Variants in PTPRR observed in about 807,000 individuals in gnomAD.
The protein encoded by PTPRR is receptor-type tyrosine-protein phosphatase R.
A neutral mutation model predicts 77.2 loss-of-function variants in PTPRR; 38 were observed. That is an observed-to-expected ratio of 0.49 (90% CI 0.38 to 0.65). The LOEUF (loss-of-function observed/expected upper bound fraction) is 0.65, where lower values mean the gene tolerates loss of function less well. Ranked by LOEUF, PTPRR falls within the 30% of genes least tolerant of loss-of-function variation. The probability of loss-of-function intolerance (pLI) is 0.00; values close to 1 mark genes in which losing one functional copy is unlikely to be tolerated. For synonymous variants in PTPRR, 299 were observed against 283.1 expected (o/e 1.06, Z -0.57); for missense variants, 744 against 799.2 (o/e 0.93, Z 0.83).
At chr12:70,705,427 C>CT (rs948457270) in intron 6 of PTPRR, among the ~76,000 whole-genome samples, 2 of 151,996 alleles carry the variant, frequency 1.3e-5, no homozygotes, top group Non-Finnish European at 2.9e-5. Context: ...AGACATGCTA[C>CT]TTTTTTTGCA....
chr12:70,774,816 AAT>A lies in PTPRR; in HGVS notation c.358-10040_358-10039del, dbSNP rs1422619946. ...GAATTTTATTTCAGACAAAATAAAA[AAT>A]ATATGACTTTATATAGTTAGAAGAT... is the stretch of plus-strand genomic sequence containing the variant. On this transcript the variant is annotated intron_variant, in intron 2 of 13. Transcript: ENST00000283228. 4.6e-5 allele frequency among the ~76,000 whole-genome samples: 7 copies of A among 152,358 alleles called. 1 individual carries two copies. The South Asian group carries it at 1.4e-3, about 32-fold the overall frequency.
intron 10 of PTPRR, among the ~76,000 whole-genome samples, chr12:70,668,168 T>G (rs1272381440): frequency 6.6e-6 from 1 of 151,844 alleles, no homozygotes; most frequent in African/African-American, 2.4e-5. Context: ...CCACCATAAG[T>G]GGATTCCAGG....
At chr12:70,873,536 A>C (rs4144462) in intron 2 of PTPRR, among the ~76,000 whole-genome samples, 102,641 of 151,920 alleles carry the variant, frequency 0.68, 35,838 homozygotes, top group African/African-American at 0.86. Flanking sequence ...ATTGAAATGA[A>C]CAATGCAACG....
At chr12:70,660,511 G>A (rs1308091910) in intron 12 of PTPRR, among the ~76,000 whole-genome samples, 3 of 152,158 alleles carry the variant, frequency 2.0e-5, no homozygotes, top group Non-Finnish European at 4.4e-5. Flanking sequence ...ACTTGAAATA[G>A]TAATGTTACC....
chr12:70,892,522 C>G (rs1374736246), intron 2 of PTPRR, among the ~76,000 whole-genome samples, 157 bp downstream of exon 2: 1 of 152,026 alleles, frequency 6.6e-6, no homozygotes, highest in Non-Finnish European at 1.5e-5. Context: ...AGACAACAGT[C>G]AAGTAAGAAA....
intron 10 of PTPRR, among the ~76,000 whole-genome samples, chr12:70,670,543 C>G (rs369289786): frequency 2.0e-5 from 3 of 152,312 alleles, no homozygotes; most frequent in South Asian, 4.1e-4. Context: ...CACATATGAT[C>G]AATAAATGGT....
chr12:70,795,473 GAATA>G (rs1442515270), intron 2 of PTPRR, among the ~76,000 whole-genome samples: 12 of 152,156 alleles, frequency 7.9e-5, no homozygotes, highest in African/African-American at 2.9e-4. Flanking sequence ...GAATGTGTGA[GAATA>G]AATTCACTGT....
chr12:70,859,026 G>T lies in PTPRR; in HGVS notation c.357+33653C>A, dbSNP rs149319072. Among the ~76,000 whole-genome samples the T allele has an allele frequency of 4.6e-5, 7 of 151,840 alleles. 1 individual carries two copies. The highest frequency in any genetic ancestry group is 2.0e-4 in the Admixed American group (3 of 15,184). ...CTTATTTAAATAAATGGCACCAAAG[G>T]CTTGAGCATTGGTTTCTTAAGCACC... On this transcript the variant is annotated intron_variant, in intron 2 of 13. Transcript: ENST00000283228.
chr12:70,857,590 G>A lies in PTPRR; in HGVS notation c.357+35089C>T, dbSNP rs982110078. On this transcript the variant is annotated intron_variant, in intron 2 of 13. Transcript: ENST00000283228. ...TAAAATGTTAACATATTTGCAGGGT[G>A]AATGTTGGCAGTGATGGTAGAACAA... Among the ~76,000 whole-genome samples the A allele has an allele frequency of 1.1e-3, 163 of 152,274 alleles. 1 individual carries two copies. Among genetic ancestry groups the A allele is most frequent in the African/African-American group, 3.7e-3 (152 of 41,560 alleles).
intron 8 of PTPRR, among the ~76,000 whole-genome samples, chr12:70,689,421 A>G (rs1364400290): frequency 2.0e-5 from 3 of 152,146 alleles, no homozygotes; most frequent in African/African-American, 7.2e-5. Context: ...AAAACCTCTC[A>G]GTCTGCATAA....
At chr12:70,771,161 A>G (rs1407068674) in intron 2 of PTPRR, among the ~76,000 whole-genome samples, 1 of 133,374 alleles carries the variant, frequency 7.5e-6, no homozygotes. Flanking sequence ...TAATAATAAT[A>G]AATTAAAAAA....
chr12:70,774,684 C>T (rs1471669669), intron 2 of PTPRR, among the ~76,000 whole-genome samples: 1 of 151,862 alleles, frequency 6.6e-6, no homozygotes, highest in Non-Finnish European at 1.5e-5. Context: ...AATAGTGATG[C>T]TAAAATATAG....
At chr12:70,847,427 T>C (rs1034219643) in intron 2 of PTPRR, among the ~76,000 whole-genome samples, 1 of 152,202 alleles carries the variant, frequency 6.6e-6, no homozygotes, top group Non-Finnish European at 1.5e-5. Flanking sequence ...GCTCTGATAT[T>C]TCAGATGACT....
intron 2 of PTPRR, among the ~76,000 whole-genome samples, chr12:70,790,276 G>C (rs764248614): frequency 2.6e-5 from 4 of 151,936 alleles, no homozygotes; most frequent in South Asian, 2.1e-4. Context: ...CCCTGTATCA[G>C]CTCCTGTTAA....
intron 13 of PTPRR, among the ~76,000 whole-genome samples, chr12:70,655,397 A>G (rs116311395): frequency 0.023 from 3,473 of 152,360 alleles, 78 homozygotes; most frequent in African/African-American, 0.041. Flanking sequence ...TTTTGGGTAT[A>G]TACTCAAAAG....
chr12:70,721,557 T>C (rs1211835522), intron 6 of PTPRR, among the ~76,000 whole-genome samples: 2 of 152,110 alleles, frequency 1.3e-5, no homozygotes, highest in Non-Finnish European at 2.9e-5. Context: ...TTGGCAGGAT[T>C]CTGTTTGGGT....
At chr12:70,809,416 C>A (rs1013437707) in intron 2 of PTPRR, among the ~76,000 whole-genome samples, 2 of 152,182 alleles carry the variant, frequency 1.3e-5, no homozygotes, top group African/African-American at 4.8e-5. Context: ...AGCCTCTTAA[C>A]TGAATTTGTT....
chr12:70,814,865 C>G (rs1251525725), intron 2 of PTPRR, among the ~76,000 whole-genome samples: 1 of 151,906 alleles, frequency 6.6e-6, no homozygotes, highest in Non-Finnish European at 1.5e-5. Context: ...TAACAAAGCT[C>G]CAAATATTTG....
chr12:70,643,156 T>C (rs940091633), intron 13 of PTPRR, among the ~76,000 whole-genome samples: 7 of 152,256 alleles, frequency 4.6e-5, no homozygotes, highest in African/African-American at 1.7e-4. Context: ...ATTTTTGATA[T>C]GGGGTCTTGC....
Sources: gnomAD v4.1 joint callset for allele counts (sites outside exome capture counted in the v4.1 genomes callset) on GRCh38, gnomAD v4.1.1 for gene constraint, MANE v1.5 for transcripts, NCBI Gene and HGNC (gene_info 2026-07-23, HGNC 2026-07-21) for gene names.